RFX5: variants seen among roughly 807,000 people sequenced by gnomAD.
The protein encoded by RFX5 is DNA-binding protein RFX5.
In RFX5, 30 loss-of-function variants were observed where a neutral mutation model predicts 41.2. The ratio of observed to expected loss-of-function variants is 0.73; its 90% CI spans 0.54 to 0.99. The LOEUF (loss-of-function observed/expected upper bound fraction) is 0.99. Ranked by LOEUF, RFX5 falls within the 50% of genes least tolerant of loss-of-function variation. RFX5 has a pLI of 0.00. For missense variants in RFX5, 715 were observed against 773.6 expected (o/e 0.92, Z 0.90); for synonymous variants, 231 against 291.8 (o/e 0.79, Z 2.12).
intron 6 of RFX5, 21 bp downstream of exon 6, chr1:151,344,707 A>AC: frequency 4.7e-6 from 4 of 850,472 alleles, no homozygotes; most frequent in Non-Finnish European, 3.5e-6. Flanking sequence ...CACTCATCCC[A>AC]CCACCCACCC....
At chr1:151,343,488 CTG>C (rs886700576) in intron 9 of RFX5, 46 bp from the exon 10 acceptor site, 3 of 1,577,376 alleles carry the variant, frequency 1.9e-6, no homozygotes, top group Admixed American at 1.7e-5. Flanking sequence ...GAGGAGGAAA[CTG>C]AGGAATAGGG....
At position 151,342,846 on chromosome 1, in the gene RFX5, CCCAGGT is replaced by C; in HGVS notation, c.1185_1190del (p.Pro398_Gly399del). 6 of 1,614,082 alleles carry C rather than the reference CCCAGGT, an allele frequency of 3.7e-6. No individual in the cohort carries two copies. The highest frequency in any genetic ancestry group is 5.1e-6 in the Non-Finnish European group (6 of 1,179,966). ...GTCCCCCAGGTGGAGCTCGCCCAGGCCCAGGTCCAGGTCCAGGCAAAGCAGGAACAG... is the reference window on the plus strand; with the variant it reads ...GTCCCCCAGGTGGAGCTCGCCCAGGCCCAGGTCCAGGCAAAGCAGGAACAG... On this transcript the variant is annotated inframe_deletion, in exon 11 of 11. Coordinates refer to ENST00000452671, the MANE Select transcript of RFX5 (RefSeq NM_001025603.2).
chr1:151,342,657 A>T lies in RFX5; in HGVS notation c.1380T>A (p.Ser460Arg), dbSNP rs773657539. The change falls in exon 11 of 11, where the codon AGT (serine) becomes AGA (arginine). Residue 460 changes from serine to arginine, a missense_variant. Coordinates refer to ENST00000452671, the MANE Select transcript of RFX5 (RefSeq NM_001025603.2). The stretch of plus-strand genomic sequence containing the variant: ...GGCGCCCCCGTTTCCTTTTGGCATC[A>T]CTTGCTGTATCCTCTATATCCTGCT... Reference protein sequence around the residue: ...AAKQDIEDTASDAKRKRGRPR... With the variant: ...AAKQDIEDTARDAKRKRGRPR... 2 of 1,614,072 alleles carry T rather than the reference A, an allele frequency of 1.2e-6. No individual in the cohort carries two copies. The highest frequency in any genetic ancestry group is 3.3e-5 in the Admixed American group (2 of 60,010).
At chr1:151,343,598 GT>G (rs1650714489) in intron 9 of RFX5, 82 bp downstream of exon 9, 1 of 1,493,488 alleles carries the variant, frequency 6.7e-7, no homozygotes, top group Non-Finnish European at 9.2e-7. Context: ...CAAATCCAAG[GT>G]GTCTCTATTC....
At chr1:151,346,031 G>C in intron 3 of RFX5, 70 bp from the exon 4 acceptor site, 1 of 1,610,940 alleles carries the variant, frequency 6.2e-7, no homozygotes, top group Non-Finnish European at 8.5e-7. Flanking sequence ...GACTGCTAGG[G>C]AGGGAAAAGG....
rs1478594925 is a variant in RFX5, at chr1:151,341,082, T to C, written c.*1104A>G. On this transcript the variant is annotated 3_prime_UTR_variant, in exon 11 of 11. Transcript: ENST00000452671. ...TACAGAATAGATTTAATGAAATGGC[T>C]AGGAAGTCTTTCACTCTAGTTGGTG... is the stretch of plus-strand genomic sequence containing the variant. The C allele has an allele frequency of 6.6e-6, 1 of 152,458 alleles. No individual in the cohort carries two copies. Among genetic ancestry groups the C allele is most frequent in the Non-Finnish European group, 1.5e-5 (1 of 68,044 alleles). 9.4% of individuals were successfully genotyped at this position (152,458 alleles called of 1,614,324 possible).
Position 151,345,166 on chromosome 1 carries a change from TC to T in RFX5, c.172del (p.Asp58ThrfsTer27). Reference protein sequence around the residue: ...GILQDVQKFSDNDKLYLYLQL... With the variant: ...GILQDVQKFSXNDKLYLYLQL... ...AAGGTAGAGATACAGCTTGTCATTGTCAGAAAATTTCTGTACATCTTGCTGA... is the reference window on the plus strand; with the variant it reads ...AAGGTAGAGATACAGCTTGTCATTGTAGAAAATTTCTGTACATCTTGCTGA... On this transcript the variant is annotated frameshift_variant, in exon 5 of 11. Transcript: ENST00000452671. LOFTEE classifies it high-confidence loss of function. 1 of 1,613,944 alleles carries T rather than the reference TC, an allele frequency of 6.2e-7. No individual in the cohort carries two copies. Among genetic ancestry groups the T allele is most frequent in the Admixed American group, 1.7e-5 (1 of 60,018 alleles).
chr1:151,342,310 T>A lies in RFX5; in HGVS notation c.1727A>T (p.Glu576Val). The A allele has an allele frequency of 6.2e-7, 1 of 1,614,164 alleles. No homozygotes were observed. Among genetic ancestry groups the A allele is most frequent in the South Asian group, 1.1e-5 (1 of 91,086 alleles). ...SVIKGSRSQKEAFPLAKGEVD... is the reference protein window; with the variant it reads ...SVIKGSRSQKVAFPLAKGEVD... Reference sequence around the variant, plus strand: ...CTCTCCCTTTGCCAAAGGAAAAGCCTCCTTTTGGCTTCTGCTGCCCTTGAT... The same window carrying A: ...CTCTCCCTTTGCCAAAGGAAAAGCCACCTTTTGGCTTCTGCTGCCCTTGAT... The change falls in exon 11 of 11, where the codon GAG becomes GTG. Residue 576 changes from glutamate (E) to valine (V), a missense_variant. By Grantham distance (121) the Glu-to-Val change is moderately radical (BLOSUM62 -2). Coordinates refer to ENST00000452671, the MANE Select transcript of RFX5 (RefSeq NM_001025603.2).
chr1:151,346,141 T>C (rs927853677), intron 3 of RFX5, 64 bp downstream of exon 3: 46 of 1,568,956 alleles, frequency 2.9e-5, no homozygotes, highest in Middle Eastern at 3.3e-4. Flanking sequence ...ACAGCCAAAG[T>C]GAAGTGCTGC....
In RFX5 at chr1:151,344,489, T is replaced by C; in HGVS notation, c.401A>G (p.Asn134Ser). ...GATCTCTCTGATGATCTTGCCAAAG[T>C]TGGCTGTGCTGAGTGGGCGGCAACA... Reference protein sequence around the residue: ...LACCRPLSTANFGKIIREIFP... With the variant: ...LACCRPLSTASFGKIIREIFP... Residue 134 changes from asparagine (N) to serine (S), a missense_variant, in exon 7 of 11, where the codon AAC becomes AGC. Transcript: ENST00000452671. 1.2e-6 allele frequency: 2 copies of C among 1,614,186 alleles called. No individual in the cohort carries two copies. Among genetic ancestry groups the C allele is most frequent in the Non-Finnish European group, 8.5e-7 (1 of 1,180,022 alleles).
chr1:151,343,768 C>A lies in RFX5; in HGVS notation c.670G>T (p.Val224Phe), dbSNP rs770811345. Residue 224 changes from valine to phenylalanine, a missense_variant, in exon 9 of 11, where the codon GTT (valine) becomes TTT (phenylalanine). By Grantham distance (50) the Val-to-Phe change is conservative. Coordinates refer to ENST00000452671, the MANE Select transcript of RFX5 (RefSeq NM_001025603.2). ...TGTAGCAGGAAGCGGGCGACCTCAA[C>A]GATGGAACTGAAGGACCGTTTCAGG... ...RILKRSFSSI[V>F]EVARFLLQQH... 1.2e-6 allele frequency: 2 copies of A among 1,613,932 alleles called. No homozygotes were observed. Among genetic ancestry groups the A allele is most frequent in the African/African-American group, 2.7e-5 (2 of 74,888 alleles).
chr1:151,343,736 A>C lies in RFX5; in HGVS notation c.702T>G (p.His234Gln). The C allele has an allele frequency of 3.1e-6, 5 of 1,614,084 alleles. No homozygotes were observed. Among genetic ancestry groups the C allele is most frequent in the Non-Finnish European group, 4.2e-6 (5 of 1,180,022 alleles). ...CATGTGCAGATCGGGCAGAGATGAG[A>C]TGCTGCTGTAGCAGGAAGCGGGCGA... ...VEVARFLLQQHLISARSAHAH... is the reference protein window; with the variant it reads ...VEVARFLLQQQLISARSAHAH... The change falls in exon 9 of 11, where the codon CAT (histidine) becomes CAG (glutamine). Residue 234 changes from histidine (H) to glutamine (Q), a missense_variant. Physicochemically the swap from His to Gln is conservative, Grantham distance 24. Transcript: ENST00000452671.
intron 1 of RFX5, 175 bp downstream of exon 1, chr1:151,347,036 C>A (rs753729096): frequency 1.3e-5 from 2 of 152,480 alleles, no homozygotes; most frequent in Non-Finnish European, 2.9e-5. Flanking sequence ...GTCAGAAACC[C>A]GGCAGGGGAA....
chr1:151,344,684 A>G, intron 6 of RFX5, 44 bp downstream of exon 6: 1 of 1,551,738 alleles, frequency 6.4e-7, no homozygotes, highest in Non-Finnish European at 8.7e-7. Flanking sequence ...AGGGGGTCCT[A>G]TGCCCACCAA....
chr1:151,343,675 A>G lies in RFX5; in HGVS notation c.757+6T>C. 1 of 1,613,664 alleles carries G rather than the reference A, an allele frequency of 6.2e-7. No homozygotes were observed. ...GTTGCTGAGACATAAGAGAGGGTCA[A>G]CACACCAGCGAGCCCCATGGCCTTA... On this transcript the variant is annotated splice_donor_region_variant and intron_variant, in intron 9 of 10. Transcript: ENST00000452671.
chr1:151,343,245 G>C, intron 10 of RFX5, 67 bp from the exon 11 acceptor site: 1 of 1,609,566 alleles, frequency 6.2e-7, no homozygotes, highest in Non-Finnish European at 8.5e-7. Context: ...ATAGACGCCA[G>C]AGGCACAGGA....
intron 6 of RFX5, 63 bp from the exon 7 acceptor site, chr1:151,344,599 G>A (rs941737606): frequency 1.2e-6 from 2 of 1,612,114 alleles, no homozygotes; most frequent in Non-Finnish European, 8.5e-7. Flanking sequence ...TAGGCTCGAA[G>A]AGTCCCTAGG....
chr1:151,342,296 C>A lies in RFX5; in HGVS notation c.1741G>T (p.Ala581Ser). ...SRSQKEAFPL[A>S]KGEVDTAPQG... ...GGTGCAGTGTCTACCTCTCCCTTTGCCAAAGGAAAAGCCTCCTTTTGGCTT... is the reference window on the plus strand; with the variant it reads ...GGTGCAGTGTCTACCTCTCCCTTTGACAAAGGAAAAGCCTCCTTTTGGCTT... The change falls in exon 11 of 11, where the codon GCA (alanine) becomes TCA (serine). Residue 581 changes from alanine to serine, a missense_variant. Transcript: ENST00000452671. 3 of 1,614,156 alleles carry A rather than the reference C, an allele frequency of 1.9e-6. No homozygotes were observed.
chr1:151,343,124 G>T lies in RFX5; in HGVS notation c.913C>A (p.Arg305=). Residue 305 remains arginine (R), a synonymous_variant, in exon 11 of 11, where the codon CGG becomes AGG. Transcript: ENST00000452671. ...GAGCTCTCAACTACACTCTTCTTCCGCTCTCCACGTGCGAGAGGACCGGCC... is the reference window on the plus strand; with the variant it reads ...GAGCTCTCAACTACACTCTTCTTCCTCTCTCCACGTGCGAGAGGACCGGCC... The part of the protein sequence containing the change: ...TGAGPLARGE[R]KKSVVESSAP... 5.6e-6 allele frequency: 9 copies of T among 1,612,348 alleles called. No individual in the cohort carries two copies. Among genetic ancestry groups the T allele is most frequent in the Non-Finnish European group, 7.6e-6 (9 of 1,180,026 alleles).
Sources: gnomAD v4.1 joint callset for allele counts on GRCh38, gnomAD v4.1.1 for gene constraint, MANE v1.5 for transcripts, NCBI Gene and HGNC (gene_info 2026-07-23, HGNC 2026-07-21) for gene names.